TLE4: variants seen among roughly 807,000 people sequenced by gnomAD.
TLE4 encodes transducin-like enhancer protein 4.
A neutral mutation model predicts 92.8 loss-of-function variants in TLE4; 8 were observed. The ratio of observed to expected loss-of-function variants is 0.09; its 90% confidence interval spans 0.05 to 0.16. TLE4 has a LOEUF of 0.16. Among genes scored for constraint, TLE4 ranks in the 10% least tolerant of loss-of-function variants. TLE4 has a pLI of 1.00. For synonymous variants in TLE4, 371 were observed against 374.1 expected, an observed-to-expected ratio of 0.99 and a Z score of 0.10; for missense variants, 675 against 997.6, an observed-to-expected ratio of 0.68 and a Z score of 4.36.
At chr9:79,719,944 T>G in intron 15 of TLE4, 102 bp from the exon 16 acceptor site, 1 of 1,457,068 alleles carries the variant, frequency 6.9e-7, no homozygotes, top group Non-Finnish European at 9.2e-7. Context: ...AACGGCTCAT[T>G]AAACCAGGAG....
intron 8 of TLE4, among the ~76,000 whole-genome samples, chr9:79,670,860 G>T (rs1392862248): frequency 6.6e-6 from 1 of 151,842 alleles, no homozygotes; most frequent in Non-Finnish European, 1.5e-5. Flanking sequence ...AATATAGTAG[G>T]TCCTTATTGG....
chr9:79,715,017 A>T (rs2074209712), intron 14 of TLE4, among the ~76,000 whole-genome samples: 1 of 152,196 alleles, frequency 6.6e-6, no homozygotes, highest in Non-Finnish European at 1.5e-5. Context: ...AGAGGGCCAC[A>T]TTAATGTCAT....
chr9:79,690,779 C>CGCTTTT (rs2066893971), intron 8 of TLE4, among the ~76,000 whole-genome samples: 7 of 54,164 alleles, frequency 1.3e-4, no homozygotes, highest in Non-Finnish European at 1.7e-4. Context: ...CCACTCCTGG[C>CGCTTTT]TTTTTTTTTT....
chr9:79,655,159 A>T (rs1157602228), intron 8 of TLE4, among the ~76,000 whole-genome samples: 3 of 152,122 alleles, frequency 2.0e-5, no homozygotes, highest in Middle Eastern at 3.2e-3. Flanking sequence ...ATACATACAT[A>T]CATACATACA....
intron 4 of TLE4, among the ~76,000 whole-genome samples, chr9:79,581,782 A>T (rs1400188018): frequency 6.6e-6 from 1 of 152,188 alleles, no homozygotes; most frequent in Admixed American, 6.5e-5. Context: ...GCCCCAGTTC[A>T]TTCCTGAAAT....
chr9:79,635,162 T>A (rs955486088), intron 6 of TLE4, among the ~76,000 whole-genome samples: 1 of 152,174 alleles, frequency 6.6e-6, no homozygotes, highest in Non-Finnish European at 1.5e-5. Flanking sequence ...GAGGTTATTT[T>A]AGCCATCCTA....
Position 79,612,314 on chromosome 9 carries a change from G to A in TLE4, c.253-342G>A, listed in dbSNP as rs562936395. ...TTATCTAAATTCTTAAGACTTAGAA[G>A]ACTGCAGGTTTTATGGAAAACATTA... On this transcript the variant is annotated intron_variant, in intron 4 of 19. Transcript: ENST00000376552. Among the ~76,000 whole-genome samples the A allele has an allele frequency of 2.0e-5, 3 of 152,238 alleles. No homozygotes were observed. In the South Asian group the frequency reaches 6.2e-4, roughly 32 times the overall value.
intron 6 of TLE4, among the ~76,000 whole-genome samples, chr9:79,629,729 CCCAACAGTT>C (rs1403447880): frequency 6.6e-6 from 1 of 152,130 alleles, no homozygotes; most frequent in Non-Finnish European, 1.5e-5. Context: ...GGAAAACAAA[CCCAACAGTT>C]TTAGAGAACC....
At chr9:79,693,192 C>T (rs891606256) in intron 8 of TLE4, among the ~76,000 whole-genome samples, 4 of 152,088 alleles carry the variant, frequency 2.6e-5, no homozygotes, top group African/African-American at 9.7e-5. Context: ...GGTATTACAA[C>T]GTGAATCTCT....
chr9:79,623,699 GTTTT>G (rs35464327), intron 5 of TLE4, among the ~76,000 whole-genome samples: 8 of 137,306 alleles, frequency 5.8e-5, no homozygotes, highest in Admixed American at 1.5e-4. Context: ...CAATCTAAGG[GTTTT>G]TTTTTTTTTT....
chr9:79,616,631 T>G (rs1443724062), intron 5 of TLE4, among the ~76,000 whole-genome samples: 1 of 152,218 alleles, frequency 6.6e-6, no homozygotes, highest in Non-Finnish European at 1.5e-5. Context: ...TGTTTTTGTT[T>G]CCATTGGCAA....
rs142878817 is a variant in TLE4 at position 79,617,932 on chromosome 9, C to T, written c.315+5214C>T. ...TGGTGACTCCATGATGTTGTGAATT[C>T]GGTTCCTTTTATATCGACGTTCATC... On this transcript the variant is annotated intron_variant, in intron 5 of 19. Coordinates refer to ENST00000376552, the MANE Select transcript of TLE4 (RefSeq NM_007005.6). 1.2e-4 allele frequency among the ~76,000 whole-genome samples: 18 copies of T among 152,174 alleles called. No individual in the cohort carries two copies. In the East Asian group the frequency reaches 2.3e-3, roughly 20 times the overall value.
At chr9:79,704,234 C>T (rs1355674415) in intron 8 of TLE4, among the ~76,000 whole-genome samples, 1 of 152,148 alleles carries the variant, frequency 6.6e-6, no homozygotes, top group African/African-American at 2.4e-5. Flanking sequence ...CTGCCTCAGC[C>T]TCCTGAGTAG....
chr9:79,634,885 A>G lies in TLE4; in HGVS notation c.390+7437A>G, dbSNP rs2055304074. 2.6e-5 allele frequency among the ~76,000 whole-genome samples: 4 copies of G among 152,038 alleles called. No individual in the cohort carries two copies. In the South Asian group the frequency reaches 8.3e-4, roughly 32 times the overall value. Reference sequence around the variant, plus strand: ...TATGGATATACCAGTTTATCTGTTCACTCCTTAAAGGACAGTTGGTTGAAT... The same window carrying G: ...TATGGATATACCAGTTTATCTGTTCGCTCCTTAAAGGACAGTTGGTTGAAT... On this transcript the variant is annotated intron_variant, in intron 6 of 19. Coordinates refer to ENST00000376552, the MANE Select transcript of TLE4 (RefSeq NM_007005.6).
chr9:79,668,538 G>T (rs1004054762), intron 8 of TLE4, among the ~76,000 whole-genome samples: 3 of 152,166 alleles, frequency 2.0e-5, no homozygotes, highest in Non-Finnish European at 4.4e-5. Flanking sequence ...ACCGTATCTT[G>T]TAACCCTCAA....
At chr9:79,574,562 GTTTGT>G (rs1328305954) in intron 2 of TLE4, among the ~76,000 whole-genome samples, 6 of 151,956 alleles carry the variant, frequency 3.9e-5, no homozygotes. Context: ...TTATTTTCGT[GTTTGT>G]TTTATTAAGT....
chr9:79,625,487 G>A (rs555373776), intron 5 of TLE4, among the ~76,000 whole-genome samples: 32 of 152,088 alleles, frequency 2.1e-4, no homozygotes, highest in African/African-American at 5.8e-4. Flanking sequence ...ATGTCCTTCC[G>A]GTGTCTACAC....
chr9:79,694,874 A>G (rs772036532), intron 8 of TLE4, among the ~76,000 whole-genome samples: 1 of 151,914 alleles, frequency 6.6e-6, no homozygotes, highest in African/African-American at 2.4e-5. Flanking sequence ...CAGGGTCACT[A>G]TTCTCTAAAT....
At chr9:79,680,941 G>C (rs934402284) in intron 8 of TLE4, among the ~76,000 whole-genome samples, 1 of 152,068 alleles carries the variant, frequency 6.6e-6, no homozygotes, top group African/African-American at 2.4e-5. Context: ...ATTGATTTGC[G>C]TTTGTTGAAC....
Sources: allele counts gnomAD v4.1 joint callset (sites outside exome capture counted in the v4.1 genomes callset), GRCh38; gene constraint gnomAD v4.1.1; transcripts MANE v1.5; gene names NCBI Gene and HGNC (gene_info 2026-07-23, HGNC 2026-07-21).